The following TUBGCP4 variants were observed in gnomAD, a reference collection of about 807,000 sequenced individuals.
TUBGCP4 encodes gamma-tubulin complex component 4.
TUBGCP4 carries 54 observed loss-of-function variants against 91.6 expected under a neutral mutation model. The ratio of observed to expected loss-of-function variants is 0.59; its 90% confidence interval spans 0.47 to 0.74. The LOEUF is 0.74. Among genes scored for constraint, TUBGCP4 ranks in the 30% least tolerant of loss-of-function variants. The pLI is 0.00. For synonymous variants in TUBGCP4, 297 were observed against 302.8 expected (o/e 0.98, Z 0.20); for missense variants, 593 against 800.9 (o/e 0.74, Z 3.13).
chr15:43,377,804 T>C (rs762315011), intron 4 of TUBGCP4, 43 bp from the exon 5 acceptor site: 17 of 1,475,580 alleles, frequency 1.2e-5, no homozygotes, highest in Admixed American at 4.1e-5. Flanking sequence ...TTTTTTCCCT[T>C]ACATTTGATT....
In TUBGCP4 at chr15:43,386,178, C is replaced by G. The variant is rs200038712; in HGVS notation, c.890-28C>G. 8.7e-5 allele frequency: 139 copies of G among 1,595,036 alleles called. No homozygotes were observed. In the East Asian group the frequency reaches 3.0e-3, roughly 34 times the overall value. On this transcript the variant is annotated intron_variant, in intron 8 of 17. Coordinates refer to ENST00000564079, the MANE Select transcript of TUBGCP4 (RefSeq NM_014444.5). ...AACTGTCCTGGGTATTCTCCGTCCT[C>G]CTTTGACGGTGTCTTCCTATTTTGC...
chr15:43,396,532 T>C (rs1411487787), intron 11 of TUBGCP4, among the ~76,000 whole-genome samples: 1 of 152,254 alleles, frequency 6.6e-6, no homozygotes, highest in Non-Finnish European at 1.5e-5. Context: ...ACTGTACTTA[T>C]ATAGTACAAA....
chr15:43,377,992 T>A, intron 5 of TUBGCP4, 89 bp downstream of exon 5: 1 of 904,862 alleles, frequency 1.1e-6, no homozygotes, highest in Non-Finnish European at 1.7e-6. Flanking sequence ...TCGAAGACCC[T>A]AGTTTTTAGT....
rs759640724 is a variant in TUBGCP4, at chr15:43,405,266, A to G, written c.*52A>G. The G allele has an allele frequency of 1.9e-6, 3 of 1,602,164 alleles. No homozygotes were observed. Among genetic ancestry groups the G allele is most frequent in the Non-Finnish European group, 2.6e-6 (3 of 1,169,258 alleles). ...ACAGCCACGTTCCCAAGGTTGTAAC[A>G]GAAGATTCAAAACATCCCATTCTAG... On this transcript the variant is annotated 3_prime_UTR_variant, in exon 18 of 18. Coordinates refer to ENST00000564079, the MANE Select transcript of TUBGCP4 (RefSeq NM_014444.5).
Position 43,371,369 on chromosome 15 carries a change from GC to G in TUBGCP4, c.16del (p.Leu6SerfsTer4). On this transcript the variant is annotated frameshift_variant, in exon 1 of 18. Transcript: ENST00000564079. LOFTEE classifies it high-confidence loss of function. ...CCGCCGTGGGAATGATCCACGAACT[GC>G]TCTTGGCTCTGAGCGGGTACCCTGG... Reference protein sequence around the residue: MIHELLLALSGYPGSI... With the variant: MIHELXLALSGYPGSI... 1.2e-6 allele frequency: 2 copies of G among 1,614,082 alleles called. No homozygotes were observed. Among genetic ancestry groups the G allele is most frequent in the Non-Finnish European group, 8.5e-7 (1 of 1,179,974 alleles).
intron 5 of TUBGCP4, among the ~76,000 whole-genome samples, 189 bp downstream of exon 5, chr15:43,378,092 C>A (rs1418007768): frequency 6.6e-6 from 1 of 152,164 alleles, no homozygotes; most frequent in Non-Finnish European, 1.5e-5. Context: ...CCTTTAAACA[C>A]CTCCTGGTCC....
intron 11 of TUBGCP4, among the ~76,000 whole-genome samples, chr15:43,396,522 A>G (rs929080511): frequency 5.3e-5 from 8 of 152,246 alleles, no homozygotes; most frequent in Admixed American, 5.2e-4. Flanking sequence ...ATAGATGTCC[A>G]CTGTACTTAT....
intron 11 of TUBGCP4, 84 bp downstream of exon 11, chr15:43,395,772 C>T (rs1369404381): frequency 1.8e-6 from 2 of 1,127,282 alleles, no homozygotes; most frequent in South Asian, 1.3e-5. Context: ...TTAAGGCCTG[C>T]TCCACATAAG....
chr15:43,387,958 C>T (rs551274290), intron 9 of TUBGCP4, among the ~76,000 whole-genome samples: 10 of 152,218 alleles, frequency 6.6e-5, no homozygotes, highest in African/African-American at 1.9e-4. Context: ...AAGCAATTCA[C>T]GTGCCTCAGC....
chr15:43,392,114 A>G (rs1170514348), intron 9 of TUBGCP4, among the ~76,000 whole-genome samples: 1 of 149,142 alleles, frequency 6.7e-6, no homozygotes, highest in Non-Finnish European at 1.5e-5. Flanking sequence ...ACACACACAC[A>G]CACACATATT....
chr15:43,400,627 T>G (rs1470327008), intron 14 of TUBGCP4, among the ~76,000 whole-genome samples: 1 of 151,752 alleles, frequency 6.6e-6, no homozygotes, highest in African/African-American at 2.4e-5. Flanking sequence ...CTCAAACTCC[T>G]GGCTTCAGCG....
chr15:43,383,597 A>G (rs980074539), intron 7 of TUBGCP4, 93 bp downstream of exon 7: 4 of 1,093,104 alleles, frequency 3.7e-6, no homozygotes, highest in Non-Finnish European at 5.1e-6. Context: ...CTTAGCTCAT[A>G]GCTGAGCACC....
chr15:43,404,895 C>G (rs7171038), intron 17 of TUBGCP4: 1 of 491,866 alleles, frequency 2.0e-6, no homozygotes, highest in African/African-American at 2.0e-5. Flanking sequence ...CCCTAGCTTC[C>G]GCATCTGTGA....
In TUBGCP4 at chr15:43,407,903, A is replaced by T. The variant is rs893549852; in HGVS notation, c.*2689A>T. On this transcript the variant is annotated 3_prime_UTR_variant, in exon 18 of 18. Transcript: ENST00000564079. The stretch of plus-strand genomic sequence containing the variant: ...GCCTAACACCTACAGGTCTAAGGAG[A>T]TCCCTGGAACAAAGACACTACACAC... 1.9e-6 allele frequency: 3 copies of T among 1,588,398 alleles called. No individual in the cohort carries two copies. Among genetic ancestry groups the T allele is most frequent in the Non-Finnish European group, 2.6e-6 (3 of 1,170,694 alleles).
intron 9 of TUBGCP4, among the ~76,000 whole-genome samples, chr15:43,391,025 T>C (rs2044458280): frequency 6.6e-6 from 1 of 151,712 alleles, no homozygotes; most frequent in Admixed American, 6.6e-5. Flanking sequence ...TTTTTTTTTT[T>C]GAGACACAGT....
intron 13 of TUBGCP4, chr15:43,399,174 G>T: frequency 1.6e-6 from 2 of 1,232,556 alleles, no homozygotes; most frequent in Non-Finnish European, 2.1e-6. Context: ...CCTACAAACA[G>T]GTAAATAAAT....
At position 43,383,495 on chromosome 15, in the gene TUBGCP4, G is replaced by A. The variant is rs1450485346; in HGVS notation, c.714G>A (p.Leu238=). The part of the protein sequence containing the change: ...GGLTGKQLRE[L]QDLRLIEEEN... ...TGACAGGAAAACAACTGAGAGAACT[G>A]CAGGACTTGGTGAGAGCCCAAAAAG... The change falls in exon 7 of 18, where the codon CTG becomes CTA. Residue 238 remains leucine (L), a synonymous_variant. Coordinates refer to ENST00000564079, the MANE Select transcript of TUBGCP4 (RefSeq NM_014444.5). 6.2e-7 allele frequency: 1 copy of A among 1,604,620 alleles called. No individual in the cohort carries two copies. The highest frequency in any genetic ancestry group is 8.5e-7 in the Non-Finnish European group (1 of 1,175,686).
intron 9 of TUBGCP4, among the ~76,000 whole-genome samples, chr15:43,387,672 G>T (rs566086179): frequency 1.3e-5 from 2 of 152,100 alleles, no homozygotes; most frequent in East Asian, 3.9e-4. Flanking sequence ...ATGTTGGCCA[G>T]GCTGGTCTCA....
Position 43,371,275 on chromosome 15 carries a change from G to T in TUBGCP4, c.-80G>T. On this transcript the variant is annotated 5_prime_UTR_variant, in exon 1 of 18. Transcript: ENST00000564079. ...AGGGGCCGGTGCGCGTGTGGAAGGG[G>T]AAGCACTCCCCTCGTGGTCGCCTGG... 7.0e-7 allele frequency: 1 copy of T among 1,438,072 alleles called. No homozygotes were observed. The highest frequency in any genetic ancestry group is 9.6e-7 in the Non-Finnish European group (1 of 1,037,522). 89.1% of individuals were successfully genotyped at this position (1,438,072 alleles called of 1,614,324 possible). A position where few individuals can be genotyped will look rare whatever the true frequency, so the allele number is the denominator to read the frequency against.
Sources: gnomAD v4.1 joint callset for allele counts (sites outside exome capture counted in the v4.1 genomes callset) on GRCh38, gnomAD v4.1.1 for gene constraint, MANE v1.5 for transcripts, NCBI Gene and HGNC (gene_info 2026-07-23, HGNC 2026-07-21) for gene names.